HIVEP1: variants seen among roughly 807,000 people sequenced by gnomAD.
HIVEP1 encodes the protein HIVEP zinc finger 1.
A neutral mutation model predicts 180.0 loss-of-function variants in HIVEP1; 36 were observed. The ratio of observed to expected loss-of-function variants is 0.20; its 90% CI spans 0.15 to 0.26. HIVEP1 has a LOEUF of 0.26. Ranked by LOEUF, HIVEP1 falls within the 10% of genes least tolerant of loss-of-function variation. The pLI is 1.00. For synonymous variants in HIVEP1, 1,239 were observed against 1,239.0 expected, an observed-to-expected ratio of 1.00 and a Z score of 0.00; for missense variants, 3,143 against 3,268.7, an observed-to-expected ratio of 0.96 and a Z score of 0.94.
At chr6:12,133,701 G>A (rs765906381) in intron 6 of HIVEP1, among the ~76,000 whole-genome samples, 27 of 152,044 alleles carry the variant, frequency 1.8e-4, no homozygotes, top group Non-Finnish European at 3.1e-4. Context: ...TTTAAAAGAG[G>A]GCCAGGTGCG....
At chr6:12,207,685 A>G in the HIVEP1 span, among the ~76,000 whole-genome samples, 1 of 151,244 alleles carries the variant, frequency 6.6e-6, no homozygotes, top group Non-Finnish European at 1.5e-5. Flanking sequence ...CAAGGGGCTT[A>G]CTTTAGTCCA....
At chr6:12,013,721 T>C (rs1352910845) in intron 1 of HIVEP1, among the ~76,000 whole-genome samples, 1 of 152,258 alleles carries the variant, frequency 6.6e-6, no homozygotes, top group Non-Finnish European at 1.5e-5. Flanking sequence ...ATCAGAACCT[T>C]CCTGAATTAG....
In HIVEP1 at chr6:12,122,281, C is replaced by T. The variant is rs79805119; in HGVS notation, c.2486C>T (p.Pro829Leu). Residue 829 changes from proline (P) to leucine (L), a missense_variant, in exon 4 of 9, where the codon CCT (proline) becomes CTT (leucine). Physicochemically the swap from Pro to Leu is moderately conservative, Grantham distance 98. This residue lies in a region of HIVEP1 where 204 missense variants were observed against 243.7 expected (regional missense o/e 0.84). Coordinates refer to ENST00000379388, the MANE Select transcript of HIVEP1 (RefSeq NM_002114.4). ...AAGCAAGTGTTTCTTCTGTCTGTAC[C>T]TTCACTTGACTGTTTACCTATCACA... ...KSKQVFLLSVPSLDCLPITRS... is the reference protein window; with the variant it reads ...KSKQVFLLSVLSLDCLPITRS... 9.9e-5 allele frequency: 159 copies of T among 1,614,168 alleles called. No individual in the cohort carries two copies. The East Asian group carries it at 3.3e-3, about 34-fold the overall frequency.
upstream of HIVEP1, chr6:12,012,229 C>T (rs1192463965): frequency 2.1e-5 from 3 of 139,784 alleles, no homozygotes; most frequent in African/African-American, 5.2e-5. Flanking sequence ...GCGGCTGCGG[C>T]CCCCGCCCGC....
At chr6:12,084,906 A>G (rs1773018220) in intron 2 of HIVEP1, among the ~76,000 whole-genome samples, 1 of 152,110 alleles carries the variant, frequency 6.6e-6, no homozygotes, top group African/African-American at 2.4e-5. Flanking sequence ...CTAAGGGAGC[A>G]ATAGTTGACT....
chr6:12,122,363 T>A lies in HIVEP1; in HGVS notation c.2568T>A (p.Pro856=). Residue 856 remains proline, a synonymous_variant, in exon 4 of 9, where the codon CCT becomes CCA. Coordinates refer to ENST00000379388, the MANE Select transcript of HIVEP1 (RefSeq NM_002114.4). The stretch of plus-strand genomic sequence containing the variant: ...CAGCAGTACCTGCAAATATAATACC[T>A]CCTCCTCATCCACTAAGAGGAAGTC... The part of the protein sequence containing the change: ...GYSAVPANII[P]PPHPLRGSQS... 6.2e-7 allele frequency: 1 copy of A among 1,614,044 alleles called. No individual in the cohort carries two copies. The highest frequency in any genetic ancestry group is 8.5e-7 in the Non-Finnish European group (1 of 1,179,904).
chr6:12,174,617 G>A, the HIVEP1 span, among the ~76,000 whole-genome samples: 4 of 152,016 alleles, frequency 2.6e-5, no homozygotes, highest in Non-Finnish European at 5.9e-5. Context: ...CTTTGTTGTC[G>A]TTTTTCTAAA....
chr6:12,048,256 G>A (rs907679278), intron 2 of HIVEP1, among the ~76,000 whole-genome samples: 2 of 152,254 alleles, frequency 1.3e-5, no homozygotes, highest in Admixed American at 1.3e-4. Context: ...CTTGTGCGCC[G>A]TCCGCGGCAG....
chr6:12,100,182 C>G (rs892477467), intron 3 of HIVEP1, among the ~76,000 whole-genome samples: 29 of 152,134 alleles, frequency 1.9e-4, no homozygotes, highest in Non-Finnish European at 1.5e-5. Context: ...TCACATTTCC[C>G]TGTTCTGGTA....
At chr6:12,169,992 G>A (rs1206295522), downstream of HIVEP1, among the ~76,000 whole-genome samples, 1 of 151,998 alleles carries the variant, frequency 6.6e-6, no homozygotes, top group Non-Finnish European at 1.5e-5. Context: ...GTGGTGGTGG[G>A]CACCTGTAGT....
In HIVEP1 at chr6:12,163,509, G is replaced by C. The variant is rs1760538440; in HGVS notation, c.7205G>C (p.Gly2402Ala). ...SRTPYNMVPV[G>A]GIHVVPAGLT... ...ACACCTTATAATATGGTTCCAGTTG[G>C]GGGGATCCATGTGGTACCTGCTGGC... Residue 2402 changes from glycine (G) to alanine (A), a missense_variant, in exon 9 of 9, where the codon GGG becomes GCG. Transcript: ENST00000379388. 6.2e-7 allele frequency: 1 copy of C among 1,614,096 alleles called. No individual in the cohort carries two copies. Among genetic ancestry groups the C allele is most frequent in the Non-Finnish European group, 8.5e-7 (1 of 1,180,008 alleles).
chr6:12,044,574 A>G (rs35496291), intron 2 of HIVEP1, among the ~76,000 whole-genome samples: 33,514 of 145,468 alleles, frequency 0.23, 3,799 homozygotes, highest in East Asian at 0.54. Context: ...GCCCCCCTCA[A>G]AGCCAGTGCA....
intron 8 of HIVEP1, 35 bp from the exon 9 acceptor site, chr6:12,163,248 C>G: frequency 3.4e-6 from 5 of 1,483,348 alleles, no homozygotes; most frequent in Non-Finnish European, 4.6e-6. Flanking sequence ...TACAAAAGAC[C>G]TGTCATAAAA....
intron 7 of HIVEP1, among the ~76,000 whole-genome samples, chr6:12,144,502 A>G (rs1351866884): frequency 6.6e-6 from 1 of 152,238 alleles, no homozygotes. Flanking sequence ...ACCAAAAGCA[A>G]TGGCAACAGA....
upstream of HIVEP1, chr6:12,007,802 C>A (rs78164230): frequency 0.07 from 10,627 of 151,984 alleles, 456 homozygotes; most frequent in Middle Eastern, 0.21. Flanking sequence ...GTCCTCTACT[C>A]AAGCAGAAGC....
intron 3 of HIVEP1, among the ~76,000 whole-genome samples, chr6:12,096,698 T>C (rs960049624): frequency 1.3e-5 from 2 of 152,030 alleles, no homozygotes; most frequent in Admixed American, 6.5e-5. Context: ...AAATATTTTA[T>C]GTTAATAAGG....
intron 3 of HIVEP1, among the ~76,000 whole-genome samples, chr6:12,108,388 G>A (rs904378372): frequency 2.6e-5 from 4 of 152,234 alleles, no homozygotes; most frequent in Admixed American, 6.5e-5. Flanking sequence ...CACTGCGCCC[G>A]CACTCTTCAG....
rs770700024 is a variant in HIVEP1, at chr6:12,125,799, C to G, written c.6004C>G (p.Gln2002Glu). Residue 2002 changes from glutamine to glutamate, a missense_variant, in exon 4 of 9, where the codon CAA becomes GAA. Physicochemically the swap from Gln to Glu is conservative, Grantham distance 29. This residue lies in a region of HIVEP1 where 1,357 missense variants were observed against 1,260.5 expected (regional missense o/e 1.08). Transcript: ENST00000379388. ...GAACACTGGAAAATCACTATACTGT[C>G]AAGCAATAACTACCCATTCCAAGTC... ...KQNTGKSLYC[Q>E]AITTHSKSDL... 1 of 1,613,848 alleles carries G rather than the reference C, an allele frequency of 6.2e-7. No homozygotes were observed. The highest frequency in any genetic ancestry group is 1.1e-5 in the South Asian group (1 of 91,062).
chr6:12,183,709 A>C, the HIVEP1 span, among the ~76,000 whole-genome samples: 1 of 152,096 alleles, frequency 6.6e-6, no homozygotes, highest in Non-Finnish European at 1.5e-5. Context: ...AGCCATCTAC[A>C]CTCAAAATCG....
Sources: allele counts gnomAD v4.1 joint callset (sites outside exome capture counted in the v4.1 genomes callset), GRCh38; gene constraint gnomAD v4.1.1; regional missense constraint gnomAD v4.1.1; transcripts MANE v1.5; gene names NCBI Gene and HGNC (gene_info 2026-07-23, HGNC 2026-07-21).